The following LOC128462377 variants were observed in gnomAD, a reference collection of about 807,000 sequenced individuals.
At chr16:89,368,213 TG>T in the LOC128462377 span, among the ~76,000 whole-genome samples, 2 of 151,822 alleles carry the variant, frequency 1.3e-5, no homozygotes, top group Non-Finnish European at 2.9e-5. Context: ...TTTTTTTTTT[TG>T]ATACAGATTC....
chr16:89,326,515 CA>C, the LOC128462377 span, among the ~76,000 whole-genome samples: 1 of 152,094 alleles, frequency 6.6e-6, no homozygotes, highest in African/African-American at 2.4e-5. Context: ...GAGGCCAAGG[CA>C]GGGGGGTCAT....
the LOC128462377 span, among the ~76,000 whole-genome samples, chr16:89,347,491 G>A: frequency 6.6e-6 from 1 of 151,888 alleles, no homozygotes; most frequent in Non-Finnish European, 1.5e-5. Flanking sequence ...GGCGCCGGTA[G>A]TCCCAGCTAC....
At chr16:89,369,675 G>A in the LOC128462377 span, among the ~76,000 whole-genome samples, 33 of 152,294 alleles carry the variant, frequency 2.2e-4, no homozygotes, top group East Asian at 6.4e-3. Flanking sequence ...GGGTTTTAAG[G>A]TCCCGACTGT....
the LOC128462377 span, among the ~76,000 whole-genome samples, chr16:89,381,773 T>C: frequency 1.8e-4 from 27 of 152,268 alleles, no homozygotes; most frequent in South Asian, 4.8e-3. Flanking sequence ...TTTATACACT[T>C]TGTGAACAAG....
chr16:89,346,456 C>T, the LOC128462377 span, among the ~76,000 whole-genome samples: 6 of 152,030 alleles, frequency 3.9e-5, no homozygotes, highest in African/African-American at 7.3e-5. Context: ...ACAATAATCA[C>T]GCAATCCATT....
chr16:89,403,914 A>C, the LOC128462377 span, among the ~76,000 whole-genome samples: 1 of 152,162 alleles, frequency 6.6e-6, no homozygotes, highest in African/African-American at 2.4e-5. Context: ...ACAAAGCAAG[A>C]CTTGTCTCTT....
the LOC128462377 span, chr16:89,317,072 C>T: frequency 1.9e-5 from 29 of 1,561,794 alleles, no homozygotes; most frequent in Middle Eastern, 1.7e-4. Context: ...TCATCATCAA[C>T]CGTCTGCTTC....
chr16:89,356,475 T>C, the LOC128462377 span, among the ~76,000 whole-genome samples: 1 of 152,012 alleles, frequency 6.6e-6, no homozygotes, highest in Non-Finnish European at 1.5e-5. Context: ...GTCAGCTCTA[T>C]AAAGAATGTA....
At chr16:89,365,503 G>C in the LOC128462377 span, among the ~76,000 whole-genome samples, 1 of 152,208 alleles carries the variant, frequency 6.6e-6, no homozygotes, top group Non-Finnish European at 1.5e-5. Flanking sequence ...CCGTGCTGCT[G>C]AGACACTCTG....
chr16:89,361,625 G>C, the LOC128462377 span: 2 of 152,226 alleles, frequency 1.3e-5, no homozygotes, highest in African/African-American at 4.8e-5. Context: ...ATGCCGCTCT[G>C]AGGGCAGTGG....
chr16:89,417,729 C>G, the LOC128462377 span, among the ~76,000 whole-genome samples: 1 of 152,118 alleles, frequency 6.6e-6, no homozygotes, highest in African/African-American at 2.4e-5. Flanking sequence ...AAGAGCACAA[C>G]AGCTCCCAGG....
At chr16:89,370,149 G>T in the LOC128462377 span, among the ~76,000 whole-genome samples, 21 of 152,250 alleles carry the variant, frequency 1.4e-4, no homozygotes, top group Non-Finnish European at 1.6e-4. Context: ...TCAGTAAAAT[G>T]CTCTTTGCAT....
At chr16:89,366,129 CAAAAAAAAAAA>C in the LOC128462377 span, among the ~76,000 whole-genome samples, 1 of 60,458 alleles carries the variant, frequency 1.7e-5, no homozygotes, top group Non-Finnish European at 3.5e-5. Flanking sequence ...GACTCCATCT[CAAAAAAAAAAA>C]AAAAAAAAAA....
chr16:89,396,391 A>G, the LOC128462377 span, among the ~76,000 whole-genome samples: 12 of 152,292 alleles, frequency 7.9e-5, no homozygotes, highest in Non-Finnish European at 1.8e-4. Context: ...GCCGCAAGAG[A>G]GACCAAAGGG....
chr16:89,319,805 G>T, the LOC128462377 span, among the ~76,000 whole-genome samples: 1 of 152,362 alleles, frequency 6.6e-6, no homozygotes, highest in East Asian at 1.9e-4. Flanking sequence ...CCACTCTAGA[G>T]TCTTTTTCAA....
At chr16:89,355,210 G>A in the LOC128462377 span, among the ~76,000 whole-genome samples, 1 of 151,954 alleles carries the variant, frequency 6.6e-6, no homozygotes, top group African/African-American at 2.4e-5. Flanking sequence ...CTCGGGAGGC[G>A]GGCAGAGGGC....
At chr16:89,349,921 C>T in the LOC128462377 span, among the ~76,000 whole-genome samples, 1 of 137,574 alleles carries the variant, frequency 7.3e-6, no homozygotes, top group East Asian at 2.1e-4. Context: ...CATATTCAAA[C>T]AACAAATAGC....
At chr16:89,357,099 T>C in the LOC128462377 span, among the ~76,000 whole-genome samples, 26 of 152,268 alleles carry the variant, frequency 1.7e-4, no homozygotes, top group Non-Finnish European at 2.8e-4. Flanking sequence ...GGGATGAGGA[T>C]GAGTCTGTAG....
chr16:89,328,741 A>C, the LOC128462377 span, among the ~76,000 whole-genome samples: 56 of 127,898 alleles, frequency 4.4e-4, no homozygotes, highest in African/African-American at 1.3e-3. Flanking sequence ...CATACCCAGG[A>C]GCACGGGCGA....
Sources: gnomAD v4.1 joint callset for allele counts (sites outside exome capture counted in the v4.1 genomes callset) on GRCh38, gnomAD v4.1.1 for gene constraint, MANE v1.5 for transcripts.